PLXDC2: variants seen among roughly 807,000 people sequenced by gnomAD.
PLXDC2 encodes the protein plexin domain containing 2.
PLXDC2 carries 40 observed loss-of-function variants against 68.9 expected under a neutral mutation model. The observed-to-expected ratio is 0.58, with a 90% CI of 0.45 to 0.76. The LOEUF (loss-of-function observed/expected upper bound fraction) is 0.76. Ranked by LOEUF, PLXDC2 falls within the 30% of genes least tolerant of loss-of-function variation. The probability of loss-of-function intolerance (pLI) is 0.00; values close to 1 mark genes in which losing one functional copy is unlikely to be tolerated. For missense variants in PLXDC2, 644 were observed against 661.9 expected (o/e 0.97, Z 0.30); for synonymous variants, 243 against 234.2 (o/e 1.04, Z -0.34).
At chr10:20,051,422 ATATATATATATATATATATATG>A (rs1318737667) in intron 3 of PLXDC2, among the ~76,000 whole-genome samples, 2 of 87,310 alleles carry the variant, frequency 2.3e-5, no homozygotes, top group African/African-American at 1.3e-4. Flanking sequence ...ATATATATAT[ATATATATATATATATATATATG>A]TGCTATTATG....
In PLXDC2 at chr10:20,279,975, G is replaced by A. The variant is rs931032730; in HGVS notation, c.*156G>A. 1 of 611,740 alleles carries A rather than the reference G, an allele frequency of 1.6e-6. No individual in the cohort carries two copies. The highest frequency in any genetic ancestry group is 2.9e-6 in the Non-Finnish European group (1 of 347,762). 37.9% of individuals were successfully genotyped at this position (611,740 alleles called of 1,614,324 possible). A position where few individuals can be genotyped will look rare whatever the true frequency, so the allele number is the denominator to read the frequency against. On this transcript the variant is annotated 3_prime_UTR_variant, in exon 14 of 14. Transcript: ENST00000377252. ...AGATTTCTGGACAAGCTCAGCCCAG[G>A]AAACAAAGGGTAAACAAAAAACTAA...
chr10:19,918,840 A>G (rs535066076), intron 1 of PLXDC2, among the ~76,000 whole-genome samples: 1 of 152,348 alleles, frequency 6.6e-6, no homozygotes, highest in South Asian at 2.1e-4. Context: ...CAAGTAATAG[A>G]TTGCTAAGCA....
chr10:19,856,926 AAGAT>A (rs1413011584), intron 1 of PLXDC2, among the ~76,000 whole-genome samples: 2 of 152,212 alleles, frequency 1.3e-5, no homozygotes, highest in African/African-American at 4.8e-5. Flanking sequence ...ATCATCAGGG[AAGAT>A]AGATATGTAC....
At chr10:19,881,407 C>T (rs144128516) in intron 1 of PLXDC2, among the ~76,000 whole-genome samples, 318 of 152,278 alleles carry the variant, frequency 2.1e-3, no homozygotes, top group African/African-American at 5.7e-3. Context: ...TGAGCCACTG[C>T]GCCTGGCCGC....
intron 9 of PLXDC2, among the ~76,000 whole-genome samples, chr10:20,179,611 G>T (rs1408861889): frequency 6.6e-6 from 1 of 152,026 alleles, no homozygotes; most frequent in Non-Finnish European, 1.5e-5. Context: ...GGTTCATCTA[G>T]AAACCTGCTT....
intron 1 of PLXDC2, among the ~76,000 whole-genome samples, chr10:19,896,476 A>G (rs561228379): frequency 1.3e-5 from 2 of 152,380 alleles, no homozygotes; most frequent in South Asian, 2.1e-4. Flanking sequence ...AGGAATGAGT[A>G]TAAAGTACCA....
At chr10:19,909,070 G>T (rs759741647) in intron 1 of PLXDC2, among the ~76,000 whole-genome samples, 3 of 152,120 alleles carry the variant, frequency 2.0e-5, no homozygotes, top group African/African-American at 7.2e-5. Flanking sequence ...CAGCATTCTG[G>T]TGTGTATATC....
chr10:20,256,793 T>C (rs907325912), intron 13 of PLXDC2, among the ~76,000 whole-genome samples: 5 of 152,156 alleles, frequency 3.3e-5, no homozygotes, highest in African/African-American at 1.2e-4. Context: ...TGACGTAGCA[T>C]GAGAGTAGAT....
chr10:20,233,794 A>C (rs957558333), intron 12 of PLXDC2, among the ~76,000 whole-genome samples: 29 of 152,062 alleles, frequency 1.9e-4, no homozygotes, highest in African/African-American at 6.8e-4. Context: ...AGCAGCACCA[A>C]CTTTGCCTAA....
chr10:20,163,536 T>A (rs915612453), intron 6 of PLXDC2, among the ~76,000 whole-genome samples: 3 of 152,146 alleles, frequency 2.0e-5, no homozygotes, highest in Non-Finnish European at 4.4e-5. Flanking sequence ...ATTTAATGAA[T>A]TGCCCACAGA....
chr10:20,116,424 C>T (rs151294938), intron 4 of PLXDC2, among the ~76,000 whole-genome samples: 152 of 152,190 alleles, frequency 1.0e-3, no homozygotes, highest in African/African-American at 3.6e-3. Flanking sequence ...TTCCATATAC[C>T]CATTTCTCCC....
chr10:20,126,811 A>ATAGAACACACGTTATATATGTATG (rs1833796360), intron 4 of PLXDC2, among the ~76,000 whole-genome samples: 1 of 147,672 alleles, frequency 6.8e-6, no homozygotes, highest in Non-Finnish European at 1.5e-5. Flanking sequence ...ATATATGTAT[A>ATAGAACACACGTTATATATGTATG]TATAACATAT....
At chr10:20,224,975 G>T (rs139615018) in intron 12 of PLXDC2, among the ~76,000 whole-genome samples, 1 of 152,112 alleles carries the variant, frequency 6.6e-6, no homozygotes, top group South Asian at 2.1e-4. Flanking sequence ...TCAGAGAATG[G>T]TGTCCCCATC....
At chr10:19,876,601 CAAAAAAAAA>C (rs61268790) in intron 1 of PLXDC2, among the ~76,000 whole-genome samples, 1 of 63,968 alleles carries the variant, frequency 1.6e-5, no homozygotes, top group African/African-American at 6.7e-5. Context: ...GATTCCATCT[CAAAAAAAAA>C]AAAAAAAAAA....
intron 1 of PLXDC2, among the ~76,000 whole-genome samples, chr10:19,960,650 A>G (rs924800543): frequency 6.6e-6 from 1 of 152,172 alleles, no homozygotes; most frequent in African/African-American, 2.4e-5. Context: ...CACTCATACC[A>G]TCTGTTCAAA....
chr10:20,217,349 C>A, intron 10 of PLXDC2, 77 bp from the exon 11 acceptor site: 1 of 1,348,402 alleles, frequency 7.4e-7, no homozygotes, highest in South Asian at 1.6e-5. Flanking sequence ...TGCTTTACAG[C>A]CCAGCTTCTT....
chr10:19,985,113 A>G (rs1462969332), intron 1 of PLXDC2, among the ~76,000 whole-genome samples: 1 of 152,228 alleles, frequency 6.6e-6, no homozygotes, highest in African/African-American at 2.4e-5. Context: ...TACTCTTTGC[A>G]TTCCTGCATT....
At chr10:20,222,820 C>G (rs920945868) in intron 12 of PLXDC2, among the ~76,000 whole-genome samples, 4 of 151,006 alleles carry the variant, frequency 2.6e-5, no homozygotes, top group African/African-American at 7.3e-5. Context: ...AGACCCTGTC[C>G]TTAAAAAAAA....
intron 13 of PLXDC2, among the ~76,000 whole-genome samples, chr10:20,270,233 T>A (rs971220888): frequency 1.3e-5 from 2 of 151,956 alleles, no homozygotes; most frequent in African/African-American, 4.8e-5. Flanking sequence ...ACAGGAGCCA[T>A]GTGAAGGAAG....
Sources: allele counts gnomAD v4.1 joint callset (sites outside exome capture counted in the v4.1 genomes callset), GRCh38; gene constraint gnomAD v4.1.1; transcripts MANE v1.5; gene names NCBI Gene and HGNC (gene_info 2026-07-23, HGNC 2026-07-21).